Variants in GRB7 observed in about 807,000 individuals in gnomAD.
GRB7 encodes the protein growth factor receptor bound protein 7.
In GRB7, 47 loss-of-function variants were observed where a neutral mutation model predicts 64.1. The ratio of observed to expected loss-of-function variants is 0.73; its 90% CI spans 0.58 to 0.94. The LOEUF (loss-of-function observed/expected upper bound fraction) is 0.94, where lower values mean the gene tolerates loss of function less well. Among genes scored for constraint, GRB7 ranks in the 40% least tolerant of loss-of-function variants. The pLI, the probability that GRB7 is intolerant of heterozygous loss-of-function variation, is 0.00. For missense variants in GRB7, 634 were observed against 718.4 expected (o/e 0.88, Z 1.34); for synonymous variants, 277 against 279.9 (o/e 0.99, Z 0.10).
In GRB7 at chr17:39,746,872, A is replaced by G. The variant is rs1418824301; in HGVS notation, c.1574A>G (p.His525Arg). 6.2e-7 allele frequency: 1 copy of G among 1,611,644 alleles called. No homozygotes were observed. Among genetic ancestry groups the G allele is most frequent in the East Asian group, 2.2e-5 (1 of 44,866 alleles). Residue 525 changes from histidine (H) to arginine (R), a missense_variant, in exon 15 of 15, where the codon CAT becomes CGT. Physicochemically the swap from His to Arg is conservative, Grantham distance 29 (BLOSUM62 0). Coordinates refer to ENST00000309156, the MANE Select transcript of GRB7 (RefSeq NM_005310.5). ...GGCATCCTGCCGTGCTTGCTGCGCC[A>G]TTGCTGCACGCGGGTGGCCCTCTGA... ...NRGILPCLLR[H>R]CCTRVAL
Position 39,745,420 on chromosome 17 carries a change from A to G in GRB7, c.1093-2A>G. On this transcript the variant is annotated splice_acceptor_variant, in intron 10 of 14. Coordinates refer to ENST00000309156, the MANE Select transcript of GRB7 (RefSeq NM_005310.5). LOFTEE classifies it high-confidence loss of function. ...ACCTCTCTCCTCTCCTTCCATCTCC[A>G]GAGAAGTGCCTCAGATAATACCCTG... The G allele has an allele frequency of 1.2e-6, 2 of 1,613,782 alleles. No homozygotes were observed. The highest frequency in any genetic ancestry group is 2.2e-5 in the South Asian group (2 of 91,082).
intron 7 of GRB7, 54 bp from the exon 8 acceptor site, chr17:39,744,499 G>T: frequency 7.1e-7 from 1 of 1,416,022 alleles, no homozygotes; most frequent in Non-Finnish European, 9.8e-7. Flanking sequence ...GTGGGGGGAG[G>T]TAATAGTGGG....
intron 9 of GRB7, 69 bp from the exon 10 acceptor site, chr17:39,745,174 G>A: frequency 5.9e-6 from 8 of 1,360,468 alleles, no homozygotes; most frequent in Non-Finnish European, 8.1e-6. Context: ...GTCCTGGTCT[G>A]AGGGGGGCGT....
rs200479403 is a variant in GRB7 at position 39,742,370 on chromosome 17, C to T, written c.69C>T (p.Thr23=). 1 of 1,613,858 alleles carries T rather than the reference C, an allele frequency of 6.2e-7. No homozygotes were observed. The highest frequency in any genetic ancestry group is 8.5e-7 in the Non-Finnish European group (1 of 1,179,844). Reference sequence around the variant, plus strand: ...AAGACCTTTGCCCAGCCCCTGGGACCCCTCCTGGGACTCCCCGGCCCCCTG... The same window carrying T: ...AAGACCTTTGCCCAGCCCCTGGGACTCCTCCTGGGACTCCCCGGCCCCCTG... The part of the protein sequence containing the change: ...SPEDLCPAPG[T]PPGTPRPPDT... Residue 23 remains threonine, a synonymous_variant, in exon 2 of 15, where the codon ACC becomes ACT. Coordinates refer to ENST00000309156, the MANE Select transcript of GRB7 (RefSeq NM_005310.5).
At chr17:39,740,104 T>A in intron 1 of GRB7, 1 of 985,626 alleles carries the variant, frequency 1.0e-6, no homozygotes, top group Non-Finnish European at 1.2e-6. Flanking sequence ...TGTTGGTCTG[T>A]GATTTCGAGG....
Position 39,742,241 on chromosome 17 carries a change from C to T in GRB7, c.-50-11C>T, listed in dbSNP as rs561518783. 1.4e-5 allele frequency: 23 copies of T among 1,606,572 alleles called. No homozygotes were observed. Among genetic ancestry groups the T allele is most frequent in the Non-Finnish European group, 1.9e-5 (22 of 1,173,576 alleles). On this transcript the variant is annotated splice_polypyrimidine_tract_variant and intron_variant, in intron 1 of 14. Coordinates refer to ENST00000309156, the MANE Select transcript of GRB7 (RefSeq NM_005310.5). ...TCAGGAGGTCTGAATTCTCTCATCC[C>T]CTCTCCCCAGGACAAGGGCACACAA...
chr17:39,740,230 G>A (rs569963742), intron 1 of GRB7: 17 of 919,140 alleles, frequency 1.8e-5, no homozygotes, highest in Admixed American at 6.2e-5. Flanking sequence ...TTGAGGTGCT[G>A]GTGTCTCTTG....
At chr17:39,745,360 A>C (rs1259552554) in intron 10 of GRB7, 37 bp downstream of exon 10, 1 of 1,605,216 alleles carries the variant, frequency 6.2e-7, no homozygotes, top group East Asian at 2.2e-5. Flanking sequence ...GTGGGTATGC[A>C]GGCCCTGTCT....
chr17:39,741,174 G>A (rs1177455047), intron 1 of GRB7, among the ~76,000 whole-genome samples: 1 of 152,150 alleles, frequency 6.6e-6, no homozygotes, highest in Admixed American at 6.5e-5. Flanking sequence ...CAGACAAATG[G>A]GTGGATAGGA....
At chr17:39,740,656 C>T (rs1425701177) in intron 1 of GRB7, among the ~76,000 whole-genome samples, 1 of 152,160 alleles carries the variant, frequency 6.6e-6, no homozygotes, top group Admixed American at 6.5e-5. Context: ...CATCCTCCTC[C>T]CCCATCCTGT....
At position 39,746,305 on chromosome 17, in the gene GRB7, G is replaced by A. The variant is rs149282695; in HGVS notation, c.1452+103G>A. The A allele has an allele frequency of 3.9e-4, 356 of 906,624 alleles. 2 individuals carry two copies. The African/African-American group carries it at 4.7e-3, about 12-fold the overall frequency. 56.2% of individuals were successfully genotyped at this position (906,624 alleles called of 1,614,324 possible). A position where few individuals can be genotyped will look rare whatever the true frequency, so the allele number is the denominator to read the frequency against. On this transcript the variant is annotated intron_variant, in intron 14 of 14. Coordinates refer to ENST00000309156, the MANE Select transcript of GRB7 (RefSeq NM_005310.5). ...CCAGAGGCTCCCTGGCCCCCAGTGC[G>A]TCTCCCTTTTCCCTGCACAAGAAGT...
At chr17:39,742,484 G>T (rs1245936914) in intron 2 of GRB7, 28 bp downstream of exon 2, 1 of 1,612,800 alleles carries the variant, frequency 6.2e-7, no homozygotes. Flanking sequence ...GCTTGGGGGA[G>T]GTCAGTGCTG....
Position 39,745,930 on chromosome 17 carries a change from C to A in GRB7, c.1288C>A (p.Leu430Ile). ...SLSAAIHRTQ[L>I]WFHGRISREE... ...CACCACAGCCATCCACCGCACCCAA[C>A]TCTGGTTCCACGGGCGCATTTCCCG... Residue 430 changes from leucine to isoleucine, a missense_variant, in exon 13 of 15, where the codon CTC (leucine) becomes ATC (isoleucine). Coordinates refer to ENST00000309156, the MANE Select transcript of GRB7 (RefSeq NM_005310.5). 26 of 1,614,074 alleles carry A rather than the reference C, an allele frequency of 1.6e-5. No homozygotes were observed. Among genetic ancestry groups the A allele is most frequent in the Non-Finnish European group, 2.2e-5 (26 of 1,179,936 alleles).
At chr17:39,743,338 C>G in intron 5 of GRB7, 37 bp downstream of exon 5, 1 of 1,614,192 alleles carries the variant, frequency 6.2e-7, no homozygotes, top group Non-Finnish European at 8.5e-7. Flanking sequence ...CTGGGATGCC[C>G]TGATCCTCAA....
At chr17:39,742,772 G>C (rs781621471) in intron 3 of GRB7, 56 bp downstream of exon 3, 141 of 1,526,178 alleles carry the variant, frequency 9.2e-5, no homozygotes, top group Non-Finnish European at 1.2e-4. Context: ...GTCTGTGGGA[G>C]ATACACAGCC....
At position 39,745,465 on chromosome 17, in the gene GRB7, GC is replaced by G; in HGVS notation, c.1138del (p.His380MetfsTer13). ...ACCCTGGTGGCCATGGACTTCTCTG[GC>G]CATGCTGGGCGTGTCATTGAGAACC... Reference protein sequence around the residue: ...DNTLVAMDFSGHAGRVIENPR... With the variant: ...DNTLVAMDFSXHAGRVIENPR... On this transcript the variant is annotated frameshift_variant, in exon 11 of 15. Transcript: ENST00000309156. LOFTEE classifies it high-confidence loss of function. The G allele has an allele frequency of 6.2e-7, 1 of 1,614,092 alleles. No individual in the cohort carries two copies. The highest frequency in any genetic ancestry group is 8.5e-7 in the Non-Finnish European group (1 of 1,180,024).
At chr17:39,739,970 C>CA in intron 1 of GRB7, 1 of 985,304 alleles carries the variant, frequency 1.0e-6, no homozygotes, top group Non-Finnish European at 1.2e-6. Flanking sequence ...GCTCTGAAGG[C>CA]AAACCCCAGC....
intron 1 of GRB7, chr17:39,740,008 G>A (rs547652419): frequency 1.0e-6 from 1 of 985,288 alleles, no homozygotes; most frequent in East Asian, 1.1e-4. Flanking sequence ...TGATCTCTGA[G>A]GCCAGGCTCT....
chr17:39,741,974 CAAAAAAAAAA>C (rs34685689), intron 1 of GRB7, among the ~76,000 whole-genome samples: 1 of 108,024 alleles, frequency 9.3e-6, no homozygotes, highest in East Asian at 2.5e-4. Flanking sequence ...GACGCCGCTG[CAAAAAAAAAA>C]AAAAAAAAGG....
Sources: allele counts gnomAD v4.1 joint callset (sites outside exome capture counted in the v4.1 genomes callset), GRCh38; gene constraint gnomAD v4.1.1; transcripts MANE v1.5; gene names NCBI Gene and HGNC (gene_info 2026-07-23, HGNC 2026-07-21).